ASTN2: variants seen among roughly 807,000 people sequenced by gnomAD.
ASTN2 encodes the protein astrotactin 2, also known as astrotactin-2.
A neutral mutation model predicts 139.8 loss-of-function variants in ASTN2; 54 were observed. The ratio of observed to expected loss-of-function variants is 0.39; its 90% CI spans 0.31 to 0.48. The LOEUF is 0.48. ASTN2 is among the 20% of genes least tolerant of loss of function. The pLI, the probability that ASTN2 is intolerant of heterozygous loss-of-function variation, is 0.95. For missense variants in ASTN2, 1,565 were observed against 1,725.1 expected (o/e 0.91, Z 1.64); for synonymous variants, 756 against 719.5 (o/e 1.05, Z -0.81).
At chr9:117,125,361 G>T (rs778995001) in intron 4 of ASTN2, among the ~76,000 whole-genome samples, 4 of 152,120 alleles carry the variant, frequency 2.6e-5, no homozygotes, top group Non-Finnish European at 5.9e-5. Flanking sequence ...TCTGAGCCAA[G>T]ATATTAAAAA....
rs1418888226 is a variant in ASTN2, at chr9:116,964,254, T to TGCGC, written c.1889+10953_1889+10954insGCGC. ...GTGTGTGTGTGTGTGTGTGTGTGTG[T>TGCGC]GTGCGCGCGCGCGCGTGTGTGTTGA... On this transcript the variant is annotated intron_variant, in intron 10 of 22. Transcript: ENST00000313400. 3.4e-3 allele frequency among the ~76,000 whole-genome samples: 435 copies of TGCGC among 129,006 alleles called. 2 individuals carry two copies. Among genetic ancestry groups the TGCGC allele is most frequent in the African/African-American group, 0.013 (408 of 31,114 alleles). The allele number at this position is 129,006 out of a possible 152,430, so 84.6% of individuals were successfully genotyped here. A position where few individuals can be genotyped will look rare whatever the true frequency, so the allele number is the denominator to read the frequency against.
intron 10 of ASTN2, among the ~76,000 whole-genome samples, chr9:116,887,565 C>A (rs897475782): frequency 8.5e-5 from 13 of 152,076 alleles, no homozygotes; most frequent in Non-Finnish European, 1.5e-4. Context: ...TCAGAGGTGA[C>A]AGTAAGAATT....
chr9:116,511,364 T>C (rs1410037749), intron 19 of ASTN2, among the ~76,000 whole-genome samples: 5 of 152,218 alleles, frequency 3.3e-5, no homozygotes, highest in Admixed American at 3.3e-4. Context: ...CACTTGATCA[T>C]GGTGGATAAG....
intron 1 of ASTN2, among the ~76,000 whole-genome samples, chr9:117,338,051 C>G (rs1490690560): frequency 6.6e-6 from 1 of 152,118 alleles, no homozygotes; most frequent in African/African-American, 2.4e-5. Context: ...ATGATTATCT[C>G]GCATTTATCT....
At chr9:116,684,935 G>C (rs113592990) in intron 16 of ASTN2, among the ~76,000 whole-genome samples, 1,692 of 152,228 alleles carry the variant, frequency 0.011, 29 homozygotes, top group African/African-American at 0.039. Context: ...CTAACTTTGG[G>C]AGAAATTTAG....
intron 19 of ASTN2, among the ~76,000 whole-genome samples, chr9:116,577,094 G>T (rs1853753599): frequency 6.6e-6 from 1 of 152,174 alleles, no homozygotes; most frequent in African/African-American, 2.4e-5. Context: ...TACAGATGAG[G>T]AAACTGAGGC....
intron 16 of ASTN2, chr9:116,697,350 C>A: frequency 3.7e-6 from 1 of 270,186 alleles, no homozygotes; most frequent in Non-Finnish European, 7.3e-6. Flanking sequence ...AAGGCAGACA[C>A]CATTATTACT....
intron 12 of ASTN2, among the ~76,000 whole-genome samples, chr9:116,819,609 A>G (rs1384678502): frequency 6.6e-6 from 1 of 152,224 alleles, no homozygotes; most frequent in Admixed American, 6.5e-5. Context: ...TTTGTGAAAC[A>G]CAGGACTGAA....
At chr9:116,890,903 A>T (rs1380301088) in intron 10 of ASTN2, among the ~76,000 whole-genome samples, 2 of 152,168 alleles carry the variant, frequency 1.3e-5, no homozygotes, top group Non-Finnish European at 2.9e-5. Flanking sequence ...TTTTACTCCT[A>T]TGCTTGGTCT....
intron 10 of ASTN2, among the ~76,000 whole-genome samples, chr9:116,898,637 A>G (rs1335222439): frequency 6.6e-6 from 1 of 152,072 alleles, no homozygotes; most frequent in Non-Finnish European, 1.5e-5. Flanking sequence ...GTGTTTTTTC[A>G]TATTTTAAAA....
chr9:117,210,857 T>C (rs982805954), intron 3 of ASTN2, among the ~76,000 whole-genome samples: 4 of 151,624 alleles, frequency 2.6e-5, no homozygotes, highest in African/African-American at 9.7e-5. Context: ...TACACCATGA[T>C]CAAGTGGTAT....
At chr9:117,268,891 C>T (rs1384948511) in intron 2 of ASTN2, among the ~76,000 whole-genome samples, 2 of 152,186 alleles carry the variant, frequency 1.3e-5, no homozygotes, top group African/African-American at 4.8e-5. Context: ...AAACTTGACA[C>T]ATGCTGAGCG....
chr9:117,034,219 T>C (rs1315954722), intron 6 of ASTN2, among the ~76,000 whole-genome samples: 3 of 152,190 alleles, frequency 2.0e-5, no homozygotes, highest in Non-Finnish European at 4.4e-5. Context: ...TGGGTGAATA[T>C]ATGCCCACTT....
intron 1 of ASTN2, among the ~76,000 whole-genome samples, chr9:117,341,710 A>AT (rs1011793363): frequency 6.6e-6 from 1 of 152,120 alleles, no homozygotes; most frequent in African/African-American, 2.4e-5. Flanking sequence ...ACAAAAATGC[A>AT]TTTTTCCCCC....
At chr9:116,822,845 G>A (rs116122474) in intron 11 of ASTN2, among the ~76,000 whole-genome samples, 3,897 of 152,284 alleles carry the variant, frequency 0.026, 188 homozygotes, top group African/African-American at 0.09. Context: ...TAAAGGTTAT[G>A]CAGATGTGAT....
At chr9:117,058,113 G>A (rs183436567) in intron 5 of ASTN2, among the ~76,000 whole-genome samples, 14 of 152,200 alleles carry the variant, frequency 9.2e-5, no homozygotes, top group African/African-American at 3.1e-4. Flanking sequence ...GTTCCTCAGG[G>A]GCATGGACCC....
At chr9:117,377,221 T>G (rs1267042392) in intron 1 of ASTN2, among the ~76,000 whole-genome samples, 1 of 151,948 alleles carries the variant, frequency 6.6e-6, no homozygotes, top group Non-Finnish European at 1.5e-5. Flanking sequence ...TGGCCAGCCC[T>G]TGGCGATCCA....
At chr9:117,165,208 C>T (rs1365843821) in intron 3 of ASTN2, among the ~76,000 whole-genome samples, 4 of 152,084 alleles carry the variant, frequency 2.6e-5, no homozygotes, top group Admixed American at 6.6e-5. Context: ...TTTACACTGA[C>T]GTAGAGTGTA....
intron 16 of ASTN2, chr9:116,701,290 T>C (rs1229084091): frequency 6.0e-6 from 1 of 167,006 alleles, no homozygotes; most frequent in Non-Finnish European, 1.5e-5. Flanking sequence ...ATTAAAATGA[T>C]GTTGAACTAG....
Sources: allele counts gnomAD v4.1 joint callset (sites outside exome capture counted in the v4.1 genomes callset), GRCh38; gene constraint gnomAD v4.1.1; transcripts MANE v1.5; gene names NCBI Gene and HGNC (gene_info 2026-07-23, HGNC 2026-07-21).